LUZP2: variants seen among roughly 807,000 people sequenced by gnomAD.
LUZP2 encodes the protein leucine zipper protein 2.
A neutral mutation model predicts 51.6 loss-of-function variants in LUZP2; 52 were observed. That is an observed-to-expected ratio of 1.01 (90% CI 0.81 to 1.27). The LOEUF is 1.27. Ranked by LOEUF, LUZP2 falls within the 50% of genes most tolerant of loss-of-function variation. The probability of loss-of-function intolerance (pLI) is 0.00; values close to 1 mark genes in which losing one functional copy is unlikely to be tolerated. For synonymous variants in LUZP2, 154 were observed against 137.3 expected, an observed-to-expected ratio of 1.12 and a Z score of -0.85; for missense variants, 436 against 395.4, an observed-to-expected ratio of 1.10 and a Z score of -0.87.
chr11:24,607,341 CT>C (rs57741208), intron 1 of LUZP2, among the ~76,000 whole-genome samples: 469 of 63,314 alleles, frequency 7.4e-3, no homozygotes, highest in African/African-American at 0.015. Context: ...GATATTATGT[CT>C]TTTTTTTTTT....
intron 1 of LUZP2, among the ~76,000 whole-genome samples, chr11:24,498,555 A>G (rs1311638990): frequency 6.6e-6 from 1 of 152,186 alleles, no homozygotes; most frequent in East Asian, 1.9e-4. Context: ...ATGAAATGTA[A>G]GTTTGATTCT....
intron 1 of LUZP2, 47 bp downstream of exon 1, chr11:24,497,352 G>A: frequency 7.0e-7 from 1 of 1,423,578 alleles, no homozygotes; most frequent in Non-Finnish European, 9.3e-7. Context: ...CGCTGCCGGG[G>A]CGAGGTTGGT....
At chr11:24,826,868 T>C (rs1314648409) in intron 5 of LUZP2, among the ~76,000 whole-genome samples, 1 of 152,100 alleles carries the variant, frequency 6.6e-6, no homozygotes, top group African/African-American at 2.4e-5. Context: ...TACAGAAAGC[T>C]GCAGTATTCT....
intron 9 of LUZP2, among the ~76,000 whole-genome samples, chr11:25,023,740 A>T (rs988460503): frequency 6.6e-6 from 1 of 152,052 alleles, no homozygotes; most frequent in Non-Finnish European, 1.5e-5. Flanking sequence ...TGTCAATTTT[A>T]GATCTTTCCT....
intron 10 of LUZP2, among the ~76,000 whole-genome samples, chr11:25,055,101 C>G (rs1037728977): frequency 1.4e-5 from 2 of 145,450 alleles, no homozygotes; most frequent in African/African-American, 4.9e-5. Context: ...ACCTCTGCCT[C>G]CTGGGTTCAA....
At chr11:24,598,518 G>A (rs892991774) in intron 1 of LUZP2, among the ~76,000 whole-genome samples, 1 of 152,042 alleles carries the variant, frequency 6.6e-6, no homozygotes, top group Non-Finnish European at 1.5e-5. Flanking sequence ...AAAAATAAGT[G>A]CATCAGCAGG....
At chr11:24,807,591 T>C (rs928359490) in intron 5 of LUZP2, among the ~76,000 whole-genome samples, 2 of 151,856 alleles carry the variant, frequency 1.3e-5, no homozygotes, top group African/African-American at 2.4e-5. Flanking sequence ...GAATGAATAG[T>C]TGTGTAGAAA....
At chr11:24,548,389 G>A (rs151122281) in intron 1 of LUZP2, among the ~76,000 whole-genome samples, 6 of 152,078 alleles carry the variant, frequency 3.9e-5, no homozygotes, top group East Asian at 3.9e-4. Flanking sequence ...AAATGAGATC[G>A]TGACCTTTGC....
chr11:24,874,553 G>C (rs1236630276), intron 5 of LUZP2, among the ~76,000 whole-genome samples: 1 of 152,068 alleles, frequency 6.6e-6, no homozygotes, highest in Non-Finnish European at 1.5e-5. Flanking sequence ...ACCTCGGCCT[G>C]TACTTGACTG....
At chr11:24,768,468 T>C (rs1860278694) in intron 5 of LUZP2, among the ~76,000 whole-genome samples, 1 of 152,216 alleles carries the variant, frequency 6.6e-6, no homozygotes, top group Admixed American at 6.5e-5. Context: ...AAGAATTACA[T>C]AGTTGGAAAT....
At chr11:24,733,144 G>A (rs1858778437) in intron 3 of LUZP2, among the ~76,000 whole-genome samples, 1 of 151,530 alleles carries the variant, frequency 6.6e-6, no homozygotes, top group Non-Finnish European at 1.5e-5. Flanking sequence ...CATGCATTTG[G>A]ATTGAGCCAA....
At chr11:24,648,408 A>G (rs1054544855) in intron 1 of LUZP2, among the ~76,000 whole-genome samples, 1 of 151,954 alleles carries the variant, frequency 6.6e-6, no homozygotes, top group Non-Finnish European at 1.5e-5. Flanking sequence ...TATTTAGGGA[A>G]TTTGTTGCAA....
chr11:24,755,231 C>A (rs908104274), intron 4 of LUZP2, among the ~76,000 whole-genome samples: 3 of 152,068 alleles, frequency 2.0e-5, no homozygotes, highest in African/African-American at 7.2e-5. Context: ...CCTCAGAGAG[C>A]TGATAATACC....
At chr11:24,524,967 A>G (rs1850753103) in intron 1 of LUZP2, among the ~76,000 whole-genome samples, 1 of 151,630 alleles carries the variant, frequency 6.6e-6, no homozygotes, top group African/African-American at 2.4e-5. Flanking sequence ...AAATGCAGGG[A>G]GGGAACTGGG....
rs1028241456 is a variant in LUZP2, at chr11:24,854,898, C to T, written c.397-51093C>T. On this transcript the variant is annotated intron_variant, in intron 5 of 11. Transcript: ENST00000336930. Reference sequence around the variant, plus strand: ...GCTAGGGGTGGGAATTTCTCGACCCCTTTCACTTCCCAGGTGAGGTGATGC... The same window carrying T: ...GCTAGGGGTGGGAATTTCTCGACCCTTTTCACTTCCCAGGTGAGGTGATGC... Among the ~76,000 whole-genome samples, 4 of 152,228 alleles carry T rather than the reference C, an allele frequency of 2.6e-5. No homozygotes were observed. In the South Asian group the frequency reaches 6.2e-4, roughly 24 times the overall value.
At chr11:24,590,390 C>T (rs960911120) in intron 1 of LUZP2, among the ~76,000 whole-genome samples, 1 of 152,038 alleles carries the variant, frequency 6.6e-6, no homozygotes, top group South Asian at 2.1e-4. Context: ...TTATCTATTA[C>T]CTGATGCATT....
intron 1 of LUZP2, among the ~76,000 whole-genome samples, chr11:24,502,475 C>A (rs1183117606): frequency 1.3e-5 from 2 of 152,056 alleles, no homozygotes; most frequent in African/African-American, 4.8e-5. Context: ...ATCTCTGCCT[C>A]CTGGGTTTAA....
intron 7 of LUZP2, among the ~76,000 whole-genome samples, chr11:24,975,264 G>A (rs1344367793): frequency 6.6e-6 from 1 of 151,988 alleles, no homozygotes; most frequent in African/African-American, 2.4e-5. Flanking sequence ...AGTAATATTT[G>A]CTGAATTATA....
chr11:24,554,553 A>G (rs188353647), intron 1 of LUZP2, among the ~76,000 whole-genome samples: 16 of 152,170 alleles, frequency 1.1e-4, no homozygotes, highest in African/African-American at 3.8e-4. Flanking sequence ...TAATCTCTAG[A>G]TGTCCTTTCT....
Sources: allele counts gnomAD v4.1 joint callset (sites outside exome capture counted in the v4.1 genomes callset), GRCh38; gene constraint gnomAD v4.1.1; transcripts MANE v1.5; gene names NCBI Gene and HGNC (gene_info 2026-07-23, HGNC 2026-07-21).